Variants in PSG2 observed in about 807,000 individuals in gnomAD.
PSG2 encodes pregnancy-specific beta-1-glycoprotein 2.
Under a neutral mutation model 36.2 loss-of-function variants are expected in PSG2, and 49 were observed. That is an observed-to-expected ratio of 1.35 (90% CI 1.08 to 1.72). PSG2 has a LOEUF of 1.72. PSG2 is among the 40% of genes most tolerant of loss of function. The pLI is 0.00. For missense variants in PSG2, 605 were observed against 407.2 expected, an observed-to-expected ratio of 1.49 and a Z score of -4.18; for synonymous variants, 261 against 155.6, an observed-to-expected ratio of 1.68 and a Z score of -5.04.
chr19:43,072,753 G>GGT (rs1967837755), intron 3 of PSG2: 3 of 1,503,622 alleles, frequency 2.0e-6, no homozygotes, highest in Non-Finnish European at 1.8e-6. Context: ...GCCAATAACT[G>GGT]GTGTGTGTGT....
At chr19:43,076,712 G>A (rs1967901324) in intron 2 of PSG2, among the ~76,000 whole-genome samples, 1 of 151,644 alleles carries the variant, frequency 6.6e-6, no homozygotes, top group Non-Finnish European at 1.5e-5. Context: ...TGCGGTTCCA[G>A]TTATGCAGGA....
At chr19:43,078,637 C>T (rs4082465) in intron 2 of PSG2, among the ~76,000 whole-genome samples, 115,072 of 151,202 alleles carry the variant, frequency 0.76, 44,778 homozygotes, top group East Asian at 0.99. Context: ...ACTCATTTTT[C>T]AGTCCTGTGC....
In PSG2 at chr19:43,076,580, C is replaced by T. The variant is rs927482988; in HGVS notation, c.431-948G>A. On this transcript the variant is annotated intron_variant, in intron 2 of 5. Transcript: ENST00000406487. ...GCAGATACTTTCATTAGATATTCTA[C>T]TCTGTTTCTGAGTTTAACTACCCTA... Among the ~76,000 whole-genome samples, 7 of 151,640 alleles carry T rather than the reference C, an allele frequency of 4.6e-5. 1 individual carries two copies. The highest frequency in any genetic ancestry group is 1.7e-4 in the African/African-American group (7 of 41,028).
chr19:43,071,366 A>T (rs911917131), intron 4 of PSG2, among the ~76,000 whole-genome samples: 2 of 151,662 alleles, frequency 1.3e-5, no homozygotes, highest in African/African-American at 4.9e-5. Flanking sequence ...ACGTGGCAGA[A>T]GGGGATGTGT....
chr19:43,078,967 G>A (rs60057306), intron 2 of PSG2, among the ~76,000 whole-genome samples: 1,871 of 151,574 alleles, frequency 0.012, 86 homozygotes, highest in African/African-American at 0.043. Context: ...ACATTGGCTC[G>A]AGATGAAGCC....
At chr19:43,082,358 C>G in intron 1 of PSG2, 148 bp downstream of exon 1, 1 of 1,283,568 alleles carries the variant, frequency 7.8e-7, no homozygotes, top group East Asian at 2.4e-5. Flanking sequence ...GCCAGACTGA[C>G]CTTGAACTCC....
intron 5 of PSG2, among the ~76,000 whole-genome samples, chr19:43,065,131 A>G (rs1568509629): frequency 6.6e-6 from 1 of 151,824 alleles, no homozygotes. Flanking sequence ...CATCGCGCTC[A>G]GCCTAGAATA....
intron 2 of PSG2, among the ~76,000 whole-genome samples, chr19:43,076,322 A>G (rs1967895280): frequency 6.6e-6 from 1 of 151,750 alleles, no homozygotes; most frequent in Admixed American, 6.6e-5. Flanking sequence ...GGGACAGGCA[A>G]GAGCTGATAG....
At position 43,075,424 on chromosome 19, in the gene PSG2, T is replaced by C. The variant is rs568046066; in HGVS notation, c.639A>G (p.Gly213=). Residue 213 remains glycine (G), a synonymous_variant, in exon 3 of 6, where the codon GGA becomes GGG. Transcript: ENST00000406487. The part of the protein sequence containing the change: ...FLFGVTKYTA[G]PYECEIRNSG... ...AGTTCCGTATTTCACATTCATAGGGTCCTGCAGTATACTTTGTGACACCAA... is the reference window on the plus strand; with the variant it reads ...AGTTCCGTATTTCACATTCATAGGGCCCTGCAGTATACTTTGTGACACCAA... 6.2e-7 allele frequency: 1 copy of C among 1,613,090 alleles called. No individual in the cohort carries two copies. The highest frequency in any genetic ancestry group is 1.3e-5 in the African/African-American group (1 of 74,526).
At chr19:43,081,392 C>T in intron 1 of PSG2, 146 bp from the exon 2 acceptor site, 2 of 1,202,158 alleles carry the variant, frequency 1.7e-6, no homozygotes, top group Non-Finnish European at 2.2e-6. Context: ...CACACACACA[C>T]ACACACAAAA....
intron 2 of PSG2, among the ~76,000 whole-genome samples, chr19:43,076,890 A>T (rs78925917): frequency 6.6e-6 from 1 of 151,536 alleles, no homozygotes; most frequent in African/African-American, 2.4e-5. Context: ...TGAAAAATTT[A>T]AAATCCACAA....
chr19:43,077,640 G>A (rs1172907569), intron 2 of PSG2, among the ~76,000 whole-genome samples: 5 of 151,676 alleles, frequency 3.3e-5, no homozygotes, highest in African/African-American at 1.2e-4. Flanking sequence ...CCATCAGATA[G>A]CACCCACCTG....
At chr19:43,066,829 A>G (rs924951997) in intron 4 of PSG2, among the ~76,000 whole-genome samples, 4 of 150,414 alleles carry the variant, frequency 2.7e-5, no homozygotes, top group South Asian at 2.1e-4. Flanking sequence ...CTGCACTCAG[A>G]TATTTTGGAA....
chr19:43,071,508 C>T (rs189272634), intron 4 of PSG2, among the ~76,000 whole-genome samples, 192 bp downstream of exon 4: 2 of 151,554 alleles, frequency 1.3e-5, no homozygotes, highest in Admixed American at 6.6e-5. Flanking sequence ...ACAAGGTCAG[C>T]CATGAGAAAA....
intron 4 of PSG2, among the ~76,000 whole-genome samples, chr19:43,069,396 T>C (rs1052885449): frequency 1.3e-5 from 2 of 151,650 alleles, no homozygotes; most frequent in Non-Finnish European, 2.9e-5. Context: ...CATGACTAAA[T>C]AGACACAGAG....
intron 1 of PSG2, 104 bp from the exon 2 acceptor site, chr19:43,081,350 GACAC>G (rs56971156): frequency 0.097 from 81,876 of 847,506 alleles, 1,420 homozygotes; most frequent in Middle Eastern, 0.12. Flanking sequence ...CAGCCTTGAA[GACAC>G]ACACACACAC....
rs2122924190 is a variant in PSG2 at position 43,082,654 on chromosome 19, C to G, written c.-85G>C. ...TGAGCACGGCTGTCAGCTGTGCTGT[C>G]CTTCCTCCTTCTGCACTGAGCCTCT... On this transcript the variant is annotated 5_prime_UTR_variant, in exon 1 of 6. Transcript: ENST00000406487. 6.4e-7 allele frequency: 1 copy of G among 1,561,062 alleles called. No individual in the cohort carries two copies. The highest frequency in any genetic ancestry group is 1.7e-5 in the Admixed American group (1 of 57,206).
intron 3 of PSG2, among the ~76,000 whole-genome samples, chr19:43,074,281 T>C (rs35350675): frequency 0.083 from 12,560 of 151,698 alleles, 833 homozygotes; most frequent in Non-Finnish European, 0.13. Flanking sequence ...CAACTCACTT[T>C]GGGTAGTATT....
At chr19:43,065,246 G>A (rs185106777) in intron 5 of PSG2, among the ~76,000 whole-genome samples, 1 of 151,380 alleles carries the variant, frequency 6.6e-6, no homozygotes, top group Admixed American at 6.6e-5. Flanking sequence ...AAATAAGGTG[G>A]CTTTTCCGTT....
Sources: allele counts gnomAD v4.1 joint callset (sites outside exome capture counted in the v4.1 genomes callset), GRCh38; gene constraint gnomAD v4.1.1; transcripts MANE v1.5; gene names NCBI Gene and HGNC (gene_info 2026-07-23, HGNC 2026-07-21).